RHEX: variants seen among roughly 807,000 people sequenced by gnomAD.
RHEX encodes the protein regulator of hemoglobinization and erythroid cell expansion.
Under a neutral mutation model 20.1 loss-of-function variants are expected in RHEX, and 18 were observed. That is an observed-to-expected ratio of 0.90 (90% CI 0.62 to 1.33). RHEX has a LOEUF of 1.33. RHEX is among the 40% of genes most tolerant of loss of function. RHEX has a pLI of 0.00. For missense variants in RHEX, 192 were observed against 214.3 expected (o/e 0.90, Z 0.65); for synonymous variants, 87 against 77.1 (o/e 1.13, Z -0.67).
At chr1:206,074,326 T>TATCCCA (rs1662590659) in intron 1 of RHEX, among the ~76,000 whole-genome samples, 1 of 152,228 alleles carries the variant, frequency 6.6e-6, no homozygotes, top group Admixed American at 6.5e-5. Context: ...TGTATCCCAG[T>TATCCCA]GCTTAGCACA....
intron 1 of RHEX, among the ~76,000 whole-genome samples, chr1:206,075,664 G>A (rs576218327): frequency 6.6e-6 from 1 of 151,094 alleles, no homozygotes; most frequent in South Asian, 2.1e-4. Context: ...GCAGTGGCAT[G>A]ATCTCTTTTC....
rs1185339186 is a variant in RHEX at position 206,067,392 on chromosome 1, A to C, written c.-97+14127A>C. Among the ~76,000 whole-genome samples the C allele has an allele frequency of 6.6e-6, 1 of 152,198 alleles. No homozygotes were observed. The highest frequency in any genetic ancestry group is 1.5e-5 in the Non-Finnish European group (1 of 68,028). On this transcript the variant is annotated intron_variant, in intron 1 of 5. Coordinates refer to ENST00000331555, the MANE Select transcript of RHEX (RefSeq NM_001007544.4). This position sits in a 1 kb window ranked among gnomAD's most constrained non-coding sequence, Gnocchi z 4.6. ...TAGCTCTGAGCTCAAAGTTTCCCAA[A>C]GGGTATTTTTCTAGTTATGAGAGAC...
intron 1 of RHEX, among the ~76,000 whole-genome samples, chr1:206,078,505 G>A (rs1426742484): frequency 4.6e-5 from 7 of 152,132 alleles, no homozygotes; most frequent in African/African-American, 9.7e-5. Flanking sequence ...AAGCTGCAGC[G>A]AGCCATGATC....
chr1:206,091,319 T>G (rs1662946116), intron 1 of RHEX, among the ~76,000 whole-genome samples: 1 of 152,190 alleles, frequency 6.6e-6, no homozygotes, highest in African/African-American at 2.4e-5. Context: ...AATTATAACT[T>G]CTAGTACTCA....
chr1:206,089,234 G>GA (rs1208950025), intron 1 of RHEX, among the ~76,000 whole-genome samples: 1 of 151,550 alleles, frequency 6.6e-6, no homozygotes, highest in African/African-American at 2.4e-5. Flanking sequence ...TAGAGAGGGG[G>GA]ATCTCACTAT....
intron 1 of RHEX, among the ~76,000 whole-genome samples, chr1:206,079,234 A>G: frequency 6.6e-6 from 1 of 152,250 alleles, no homozygotes; most frequent in Admixed American, 6.5e-5. Context: ...ACCAGTGGAG[A>G]TGTATATCAT....
intron 1 of RHEX, among the ~76,000 whole-genome samples, chr1:206,083,036 A>T (rs1165802651): frequency 6.6e-6 from 1 of 152,232 alleles, no homozygotes; most frequent in Non-Finnish European, 1.5e-5. Context: ...ATGACAAAGA[A>T]GTTGTCCTCA....
At chr1:206,057,249 C>A (rs972492887) in intron 1 of RHEX, among the ~76,000 whole-genome samples, 3 of 152,270 alleles carry the variant, frequency 2.0e-5, no homozygotes, top group Admixed American at 1.3e-4. Flanking sequence ...TGTGGAGGAA[C>A]CGTAACAGGA....
intron 1 of RHEX, among the ~76,000 whole-genome samples, chr1:206,063,909 G>A (rs1282103042): frequency 6.6e-6 from 1 of 151,196 alleles, no homozygotes; most frequent in Admixed American, 6.6e-5. Flanking sequence ...AAAGTGAGGA[G>A]CGTCTCTGCC....
chr1:206,062,092 C>T (rs1434705358), intron 1 of RHEX: 2 of 152,258 alleles, frequency 1.3e-5, no homozygotes, highest in Non-Finnish European at 2.9e-5. Flanking sequence ...TGCCTGTAAT[C>T]CCAGCTACTT....
chr1:206,063,778 A>G (rs1553283707), intron 1 of RHEX, among the ~76,000 whole-genome samples: 1 of 152,052 alleles, frequency 6.6e-6, no homozygotes, highest in African/African-American at 2.4e-5. Context: ...TTGGCCTCCC[A>G]AAGTGCCGAG....
intron 1 of RHEX, among the ~76,000 whole-genome samples, chr1:206,090,924 C>T (rs575976199): frequency 1.3e-5 from 2 of 152,080 alleles, no homozygotes; most frequent in Admixed American, 6.5e-5. Flanking sequence ...CTCATTAATT[C>T]CTCTAGTTTT....
chr1:206,064,149 C>T (rs1232099088), intron 1 of RHEX, among the ~76,000 whole-genome samples: 8 of 145,016 alleles, frequency 5.5e-5, no homozygotes, highest in Non-Finnish European at 7.5e-5. Flanking sequence ...GGAGACCCTC[C>T]GCCCGGCAGC....
intron 4 of RHEX, among the ~76,000 whole-genome samples, chr1:206,100,823 C>T (rs1553288290): frequency 6.6e-6 from 1 of 152,202 alleles, no homozygotes; most frequent in East Asian, 1.9e-4. Context: ...CAGCCCTTTC[C>T]AAGCACAGTC....
chr1:206,089,903 A>T (rs1662912813), intron 1 of RHEX, among the ~76,000 whole-genome samples: 1 of 152,094 alleles, frequency 6.6e-6, no homozygotes, highest in Non-Finnish European at 1.5e-5. Flanking sequence ...AGTAATATTC[A>T]ATCCTAATTT....
chr1:206,063,284 G>A (rs1553283615), intron 1 of RHEX, among the ~76,000 whole-genome samples: 1 of 152,184 alleles, frequency 6.6e-6, no homozygotes, highest in African/African-American at 2.4e-5. Context: ...AAGATGTGGG[G>A]AGAGTCAGGG....
intron 1 of RHEX, among the ~76,000 whole-genome samples, chr1:206,069,926 A>G (rs1293333205): frequency 6.6e-6 from 1 of 152,192 alleles, no homozygotes; most frequent in Non-Finnish European, 1.5e-5. Context: ...TAAAAAGATT[A>G]TTTCAACATC....
chr1:206,081,551 GA>G (rs1421277454), intron 1 of RHEX, among the ~76,000 whole-genome samples: 1 of 152,196 alleles, frequency 6.6e-6, no homozygotes, highest in East Asian at 1.9e-4. Flanking sequence ...ATCTTATAAA[GA>G]TAGAAGCATA....
intron 1 of RHEX, among the ~76,000 whole-genome samples, chr1:206,070,140 C>T (rs978921030): frequency 1.3e-5 from 2 of 152,026 alleles, no homozygotes; most frequent in Non-Finnish European, 1.5e-5. Context: ...TAGCTAAAGC[C>T]CAGGGGTCAA....
Sources: allele counts gnomAD v4.1 joint callset (sites outside exome capture counted in the v4.1 genomes callset), GRCh38; gene constraint gnomAD v4.1.1; non-coding constraint Gnocchi (gnomAD v3.1); transcripts MANE v1.5; gene names NCBI Gene and HGNC (gene_info 2026-07-23, HGNC 2026-07-21).